Variants in PCDHA1 observed in about 807,000 individuals in gnomAD.
The protein encoded by PCDHA1 is protocadherin alpha 1, also known as protocadherin alpha-1.
In PCDHA1, 42 loss-of-function variants were observed where a neutral mutation model predicts 61.3. The observed-to-expected ratio is 0.69, with a 90% confidence interval of 0.54 to 0.89. PCDHA1 has a LOEUF of 0.89. Ranked by LOEUF, PCDHA1 falls within the 40% of genes least tolerant of loss-of-function variation. The pLI is 0.00. For missense variants in PCDHA1, 1,256 were observed against 1,235.3 expected (o/e 1.02, Z -0.25); for synonymous variants, 610 against 553.8 (o/e 1.10, Z -1.43).
chr5:140,950,526 T>C (rs190195358), intron 1 of PCDHA1, among the ~76,000 whole-genome samples: 17 of 152,212 alleles, frequency 1.1e-4, no homozygotes, highest in Admixed American at 9.2e-4. Flanking sequence ...GATATGATTG[T>C]TTTTGTTGCT....
At chr5:140,863,247 C>A (rs782167324) in intron 1 of PCDHA1, 18 of 1,379,648 alleles carry the variant, frequency 1.3e-5, no homozygotes, top group Non-Finnish European at 1.6e-5. Context: ...CTTTGGCGGG[C>A]GTCGAGGTCC....
chr5:140,960,740 C>T (rs949372581), intron 1 of PCDHA1, among the ~76,000 whole-genome samples: 1 of 151,868 alleles, frequency 6.6e-6, no homozygotes, highest in South Asian at 2.1e-4. Flanking sequence ...GATTTTAGTC[C>T]ATGGCTAAAA....
At chr5:140,842,532 A>G in intron 1 of PCDHA1, 1 of 1,613,066 alleles carries the variant, frequency 6.2e-7, no homozygotes, top group African/African-American at 1.3e-5. Context: ...TTCAAGAATT[A>G]CTACTCGTTG....
chr5:140,974,636 C>T (rs1208653634), intron 1 of PCDHA1, among the ~76,000 whole-genome samples: 2 of 152,054 alleles, frequency 1.3e-5, no homozygotes, highest in African/African-American at 4.8e-5. Flanking sequence ...CTCAACCTCC[C>T]GAGTAGCTGA....
intron 1 of PCDHA1, chr5:140,875,560 C>G: frequency 6.2e-7 from 1 of 1,614,124 alleles, no homozygotes; most frequent in Non-Finnish European, 8.5e-7. Context: ...GGGGAGCGGC[C>G]AGCTCCACTA....
chr5:140,882,932 C>G (rs946510478), intron 1 of PCDHA1: 1 of 1,614,196 alleles, frequency 6.2e-7, no homozygotes, highest in Admixed American at 1.7e-5. Flanking sequence ...TAAACCCGAG[C>G]TGACTGGCAC....
At chr5:140,883,853 G>C in intron 1 of PCDHA1, 2 of 1,613,002 alleles carry the variant, frequency 1.2e-6, no homozygotes, top group Middle Eastern at 1.9e-4. Flanking sequence ...CGAGGAGCTG[G>C]AGCTGTTGCA....
intron 1 of PCDHA1, among the ~76,000 whole-genome samples, chr5:140,970,860 C>T (rs2096438853): frequency 6.6e-6 from 1 of 152,054 alleles, no homozygotes; most frequent in Non-Finnish European, 1.5e-5. Context: ...AAGTTCCATT[C>T]CTGATTGAGA....
chr5:140,835,835 G>A (rs2150246191), intron 1 of PCDHA1: 1 of 1,612,346 alleles, frequency 6.2e-7, no homozygotes, highest in Non-Finnish European at 8.5e-7. Context: ...ACGCGGACGC[G>A]CAGAAGAACG....
intron 1 of PCDHA1, among the ~76,000 whole-genome samples, chr5:140,945,772 T>A (rs538344111): frequency 1.2e-4 from 18 of 152,228 alleles, no homozygotes; most frequent in African/African-American, 4.1e-4. Context: ...GACAATTTGA[T>A]ATCCAGATGC....
At chr5:140,861,581 T>C (rs1243387936) in intron 1 of PCDHA1, 6 of 358,060 alleles carry the variant, frequency 1.7e-5, no homozygotes, top group East Asian at 7.9e-5. Flanking sequence ...AGGTTTTCCA[T>C]GTGGAGGTGA....
intron 1 of PCDHA1, chr5:140,867,633 T>C (rs1479252473): frequency 2.6e-5 from 4 of 152,136 alleles, no homozygotes; most frequent in Admixed American, 2.0e-4. Context: ...ATATTTAAGC[T>C]AGAGTGATAT....
At chr5:140,801,802 G>A (rs782120718) in intron 1 of PCDHA1, 1 of 1,613,964 alleles carries the variant, frequency 6.2e-7, no homozygotes, top group Non-Finnish European at 8.5e-7. Context: ...AATTTAAATC[G>A]AGAGGACACT....
At position 140,946,611 on chromosome 5, in the gene PCDHA1, A is replaced by AATATATAT. The variant is rs1554217734; in HGVS notation, c.2395-32324_2395-32317dup. Among the ~76,000 whole-genome samples, 282 of 86,744 alleles carry AATATATAT rather than the reference A, an allele frequency of 3.3e-3. 10 individuals carry two copies. Among genetic ancestry groups the AATATATAT allele is most frequent in the African/African-American group, 0.015 (234 of 15,690 alleles). The allele number at this position is 86,744 out of a possible 152,430, so 56.9% of individuals were successfully genotyped here. A position where few individuals can be genotyped will look rare whatever the true frequency, so the allele number is the denominator to read the frequency against. Reference sequence around the variant, plus strand: ...GGATGAATAGATAAAGAAAATGTGAAATATATATATATATATATATACAAT... The same window carrying AATATATAT: ...GGATGAATAGATAAAGAAAATGTGAAATATATATATATATATATATATATATATACAAT... On this transcript the variant is annotated intron_variant, in intron 1 of 3. Coordinates refer to ENST00000504120, the MANE Select transcript of PCDHA1 (RefSeq NM_018900.4).
At chr5:140,925,146 A>G (rs1467973124) in intron 1 of PCDHA1, among the ~76,000 whole-genome samples, 5 of 151,742 alleles carry the variant, frequency 3.3e-5, no homozygotes, top group Admixed American at 3.3e-4. Flanking sequence ...AACATACACA[A>G]AAGTTGAGAG....
chr5:140,829,681 G>C (rs2150172454), intron 1 of PCDHA1: 1 of 1,613,236 alleles, frequency 6.2e-7, no homozygotes, highest in Non-Finnish European at 8.5e-7. Flanking sequence ...AGCTAGAGCT[G>C]CTGCAGTTTC....
intron 1 of PCDHA1, chr5:140,807,612 T>A: frequency 2.5e-6 from 4 of 1,614,130 alleles, no homozygotes; most frequent in Non-Finnish European, 3.4e-6. Flanking sequence ...AACCTGTCCA[T>A]CGCGGAATCC....
At chr5:140,913,235 G>A (rs1554195817) in intron 1 of PCDHA1, among the ~76,000 whole-genome samples, 4 of 152,144 alleles carry the variant, frequency 2.6e-5, no homozygotes. Context: ...TTTGCTGGGA[G>A]ACTTTTTGTT....
intron 1 of PCDHA1, among the ~76,000 whole-genome samples, chr5:140,931,665 T>C (rs2087667345): frequency 6.6e-6 from 1 of 151,998 alleles, no homozygotes. Flanking sequence ...GGCTGGATAT[T>C]TCCTTATAAA....
Sources: gnomAD v4.1 joint callset for allele counts (sites outside exome capture counted in the v4.1 genomes callset) on GRCh38, gnomAD v4.1.1 for gene constraint, MANE v1.5 for transcripts, NCBI Gene and HGNC (gene_info 2026-07-23, HGNC 2026-07-21) for gene names.